The following CADM2 variants were observed in gnomAD, a reference collection of about 807,000 sequenced individuals.
CADM2 encodes the protein immunoglobulin superfamily member 4D.
A neutral mutation model predicts 49.8 loss-of-function variants in CADM2; 12 were observed. The observed-to-expected ratio is 0.24, with a 90% CI of 0.15 to 0.39. The LOEUF (loss-of-function observed/expected upper bound fraction) is 0.39. CADM2 is among the 10% of genes least tolerant of loss of function. CADM2 has a pLI of 1.00. For missense variants in CADM2, 378 were observed against 492.3 expected (o/e 0.77, Z 2.20); for synonymous variants, 214 against 175.4 (o/e 1.22, Z -1.74).
intron 8 of CADM2, among the ~76,000 whole-genome samples, chr3:86,033,989 G>A (rs374769710): frequency 5.9e-5 from 9 of 151,420 alleles, no homozygotes; most frequent in African/African-American, 9.7e-5. Flanking sequence ...CCCACTCTGC[G>A]TATAGCACTA....
chr3:84,970,105 C>G (rs2031316262), intron 1 of CADM2, among the ~76,000 whole-genome samples: 1 of 142,236 alleles, frequency 7.0e-6, no homozygotes. Flanking sequence ...CTGATTAGTC[C>G]CTGAAGTGAA....
chr3:85,402,071 T>C (rs1395717458), intron 1 of CADM2, among the ~76,000 whole-genome samples: 1 of 152,282 alleles, frequency 6.6e-6, no homozygotes, highest in East Asian at 1.9e-4. Context: ...TCTACATTTT[T>C]GGATCTTTTA....
rs529148858 is a variant in CADM2 at position 85,260,095 on chromosome 3, C to T, written c.61+300427C>T. On this transcript the variant is annotated intron_variant, in intron 1 of 9. Transcript: ENST00000383699. ...TTCTGAAATAAATAATGTTCTATTG[C>T]TCAGTAGAATATAATAATCTCTGCA... Among the ~76,000 whole-genome samples, 7 of 151,964 alleles carry T rather than the reference C, an allele frequency of 4.6e-5. 1 individual carries two copies. The highest frequency in any genetic ancestry group is 1.7e-4 in the African/African-American group (7 of 41,462).
intron 2 of CADM2, among the ~76,000 whole-genome samples, chr3:85,748,549 G>C (rs1406999088): frequency 6.6e-6 from 1 of 152,032 alleles, no homozygotes; most frequent in African/African-American, 2.4e-5. Flanking sequence ...GATGCAAATA[G>C]GATGGAGAAG....
intron 1 of CADM2, among the ~76,000 whole-genome samples, chr3:85,358,011 A>G (rs190916554): frequency 6.6e-6 from 1 of 152,146 alleles, no homozygotes; most frequent in Non-Finnish European, 1.5e-5. Flanking sequence ...ATGTCCTACA[A>G]ATGTATTTGT....
intron 1 of CADM2, among the ~76,000 whole-genome samples, chr3:85,315,791 A>G (rs2044450975): frequency 6.6e-6 from 1 of 152,108 alleles, no homozygotes; most frequent in Non-Finnish European, 1.5e-5. Flanking sequence ...GAAAGCTGTA[A>G]TTTTTGGATT....
At chr3:85,654,414 T>C (rs2107591430) in intron 1 of CADM2, among the ~76,000 whole-genome samples, 1 of 152,294 alleles carries the variant, frequency 6.6e-6, no homozygotes, top group Middle Eastern at 3.4e-3. Flanking sequence ...TATGCCACCA[T>C]TTTAACAGAA....
At chr3:85,815,882 A>C (rs1053013802) in intron 3 of CADM2, among the ~76,000 whole-genome samples, 3 of 152,198 alleles carry the variant, frequency 2.0e-5, no homozygotes, top group Non-Finnish European at 4.4e-5. Flanking sequence ...TAAGCTGATA[A>C]GCAACTTTAG....
intron 6 of CADM2, among the ~76,000 whole-genome samples, chr3:85,926,240 A>C (rs1719854406): frequency 6.6e-6 from 1 of 152,074 alleles, no homozygotes; most frequent in Non-Finnish European, 1.5e-5. Flanking sequence ...CATTTTGGGC[A>C]AGAGAATTCT....
At chr3:85,850,359 C>G (rs535188104) in intron 3 of CADM2, among the ~76,000 whole-genome samples, 1 of 137,598 alleles carries the variant, frequency 7.3e-6, no homozygotes, top group East Asian at 2.1e-4. Flanking sequence ...GAGTCTCGCT[C>G]CGTCGCCCAG....
intron 1 of CADM2, among the ~76,000 whole-genome samples, chr3:85,589,524 G>A (rs560409037): frequency 4.6e-5 from 7 of 151,928 alleles, no homozygotes; most frequent in African/African-American, 1.5e-4. Flanking sequence ...TGCTTCATTA[G>A]TATCCTGTAG....
intron 1 of CADM2, among the ~76,000 whole-genome samples, chr3:85,562,818 C>T (rs1423687661): frequency 6.6e-6 from 1 of 152,048 alleles, no homozygotes; most frequent in African/African-American, 2.4e-5. Flanking sequence ...GAGATTTGTC[C>T]ACTTGTAAAT....
At chr3:85,260,923 G>A (rs115057752) in intron 1 of CADM2, among the ~76,000 whole-genome samples, 277 of 152,128 alleles carry the variant, frequency 1.8e-3, no homozygotes, top group African/African-American at 6.0e-3. Context: ...GTTTGCAATC[G>A]GTTCTCAGAA....
At chr3:85,400,660 T>C (rs1038364209) in intron 1 of CADM2, among the ~76,000 whole-genome samples, 3 of 152,232 alleles carry the variant, frequency 2.0e-5, no homozygotes, top group African/African-American at 4.8e-5. Flanking sequence ...ATTCAACTTC[T>C]TCCTGGTTTA....
chr3:85,463,769 A>G (rs1158088410), intron 1 of CADM2, among the ~76,000 whole-genome samples: 1 of 152,084 alleles, frequency 6.6e-6, no homozygotes, highest in African/African-American at 2.4e-5. Context: ...CCAACAGTTC[A>G]ATATTGTTTC....
chr3:85,372,169 GA>G (rs1363788172), intron 1 of CADM2, among the ~76,000 whole-genome samples: 1 of 151,782 alleles, frequency 6.6e-6, no homozygotes, highest in African/African-American at 2.4e-5. Flanking sequence ...AACCCTCCAA[GA>G]TATTTAAGAA....
At chr3:85,469,526 G>T (rs2038673675) in intron 1 of CADM2, among the ~76,000 whole-genome samples, 1 of 152,116 alleles carries the variant, frequency 6.6e-6, no homozygotes, top group African/African-American at 2.4e-5. Flanking sequence ...CACCAAATAT[G>T]ATTTATTTGG....
intron 1 of CADM2, among the ~76,000 whole-genome samples, chr3:85,376,994 C>T (rs1471219143): frequency 6.6e-6 from 1 of 152,014 alleles, no homozygotes; most frequent in Admixed American, 6.6e-5. Context: ...TTAAATTCAT[C>T]AGATCTTTAC....
intron 1 of CADM2, among the ~76,000 whole-genome samples, chr3:85,258,218 G>A (rs2042933811): frequency 6.6e-6 from 1 of 152,078 alleles, no homozygotes; most frequent in East Asian, 1.9e-4. Context: ...CATAGAAAGT[G>A]TTTCATGCAT....
Sources: allele counts gnomAD v4.1 joint callset (sites outside exome capture counted in the v4.1 genomes callset), GRCh38; gene constraint gnomAD v4.1.1; transcripts MANE v1.5; gene names NCBI Gene and HGNC (gene_info 2026-07-23, HGNC 2026-07-21).